The following SLC30A10 variants were observed in gnomAD, a reference collection of about 807,000 sequenced individuals.
SLC30A10 encodes solute carrier family 30 member 10, also known as calcium/manganese antiporter SLC30A10.
Under a neutral mutation model 21.7 loss-of-function variants are expected in SLC30A10, and 8 were observed. The ratio of observed to expected loss-of-function variants is 0.37; its 90% confidence interval spans 0.22 to 0.67. The LOEUF is 0.67. SLC30A10 is among the 30% of genes least tolerant of loss of function. The pLI is 0.58. For missense variants in SLC30A10, 521 were observed against 642.5 expected (o/e 0.81, Z 2.04); for synonymous variants, 272 against 279.4 (o/e 0.97, Z 0.26).
rs1312835053 is a variant in SLC30A10, at chr1:219,918,216, A to C, written c.958+39T>G. The C allele has an allele frequency of 6.2e-7, 1 of 1,603,150 alleles. No homozygotes were observed. The highest frequency in any genetic ancestry group is 1.1e-5 in the South Asian group (1 of 88,854). The stretch of plus-strand genomic sequence containing the variant: ...TTGTCCTTTGGCCTGAATAACATTA[A>C]ATTGAGAGTGGTTCTGGATCAAAAT... On this transcript the variant is annotated intron_variant, in intron 3 of 3. Coordinates refer to ENST00000366926, the MANE Select transcript of SLC30A10 (RefSeq NM_018713.3). The surrounding 1 kb of genome is among the most constrained non-coding windows in gnomAD (Gnocchi z 4.4).
Position 219,927,817 on chromosome 1 carries a change from C to T in SLC30A10, c.624G>A (p.Val208=), listed in dbSNP as rs760889956. The T allele has an allele frequency of 2.1e-5, 32 of 1,545,006 alleles. No individual in the cohort carries two copies. The highest frequency in any genetic ancestry group is 5.2e-6 in the Non-Finnish European group (6 of 1,146,162). The change falls in exon 1 of 4, where the codon GTG becomes GTA. Residue 208 remains valine (V), a synonymous_variant. Coordinates refer to ENST00000366926, the MANE Select transcript of SLC30A10 (RefSeq NM_018713.3). ...VERKREKGAT[V]FANVAGDSFN... ...GAAAGGCACCTGCTACGTTTGCGAA[C>T]ACGGTCGCCCCCTTCTCCCGCTTCC...
rs928099899 is a variant in SLC30A10, at chr1:219,911,086, C to T, written c.*4363G>A. The stretch of plus-strand genomic sequence containing the variant: ...ACTTCTATAGAGCAGGCATGCAGTC[C>T]GCGATCATTCATCCAAACTCAAAAT... On this transcript the variant is annotated 3_prime_UTR_variant, in exon 4 of 4. Coordinates refer to ENST00000366926, the MANE Select transcript of SLC30A10 (RefSeq NM_018713.3). Among the ~76,000 whole-genome samples, 3 of 144,262 alleles carry T rather than the reference C, an allele frequency of 2.1e-5. No homozygotes were observed. Among genetic ancestry groups the T allele is most frequent in the Non-Finnish European group, 3.0e-5 (2 of 66,444 alleles). 94.6% of individuals were successfully genotyped at this position (144,262 alleles called of 152,430 possible).
chr1:219,955,136 C>G (rs1227194328), intron 1 of SLC30A10, among the ~76,000 whole-genome samples: 1 of 152,210 alleles, frequency 6.6e-6, no homozygotes. Flanking sequence ...TGGCTCGTGA[C>G]AAGTATCTCC....
At chr1:219,930,197 C>T (rs138755132), upstream of SLC30A10, among the ~76,000 whole-genome samples, 6 of 151,420 alleles carry the variant, frequency 4.0e-5, no homozygotes, top group South Asian at 4.2e-4. Context: ...ACAGGTCAGG[C>T]GTGGTGGCTT....
intron 1 of SLC30A10, chr1:219,958,459 G>C (rs1660380738): frequency 6.6e-6 from 1 of 152,336 alleles, no homozygotes; most frequent in Non-Finnish European, 1.5e-5. Context: ...GGGACAAAAG[G>C]CTGACCCAAA....
chr1:219,943,518 C>T (rs1208123890), intron 1 of SLC30A10, among the ~76,000 whole-genome samples: 1 of 152,166 alleles, frequency 6.6e-6, no homozygotes, highest in Admixed American at 6.5e-5. Context: ...ATAAGATTGA[C>T]AGCCTCATAA....
At chr1:219,935,903 T>C (rs1436807229) in intron 1 of SLC30A10, among the ~76,000 whole-genome samples, 1 of 152,176 alleles carries the variant, frequency 6.6e-6, no homozygotes, top group Admixed American at 6.5e-5. Context: ...AAAACATTGA[T>C]TAATACTATG....
In SLC30A10 at chr1:219,922,219, T is replaced by G. The variant is rs966712084; in HGVS notation, c.719-3725A>C. ...TTTTTTTTTTTTTTTTTTTTTTTTTTTTTTTTTTTTTTGCAGAGACAGGGG... is the reference window on the plus strand; with the variant it reads ...TTTTTTTTTTTTTTTTTTTTTTTTTGTTTTTTTTTTTTGCAGAGACAGGGG... On this transcript the variant is annotated intron_variant, in intron 2 of 3. Transcript: ENST00000366926. Among the ~76,000 whole-genome samples the G allele has an allele frequency of 9.6e-4, 80 of 83,046 alleles. 4 individuals carry two copies. The highest frequency in any genetic ancestry group is 9.6e-3 in the East Asian group (27 of 2,814). The allele number at this position is 83,046 out of a possible 152,430, so 54.5% of individuals were successfully genotyped here. A position where few individuals can be genotyped will look rare whatever the true frequency, so the allele number is the denominator to read the frequency against.
chr1:219,915,859 G>A lies in SLC30A10; in HGVS notation c.1048C>T (p.His350Tyr), dbSNP rs1033368999. The A allele has an allele frequency of 6.2e-7, 1 of 1,614,080 alleles. No homozygotes were observed. Among genetic ancestry groups the A allele is most frequent in the Non-Finnish European group, 8.5e-7 (1 of 1,180,042 alleles). The change falls in exon 4 of 4, where the codon CAC becomes TAC. Residue 350 changes from histidine (H) to tyrosine (Y), a missense_variant. Coordinates refer to ENST00000366926, the MANE Select transcript of SLC30A10 (RefSeq NM_018713.3). ...LVSGKIIATL[H>Y]IKYPKDRGYQ... ...CCCCTGTCCTTAGGATACTTGATGTGCAGGGTGGCAATAATCTTTCCACTT... is the reference window on the plus strand; with the variant it reads ...CCCCTGTCCTTAGGATACTTGATGTACAGGGTGGCAATAATCTTTCCACTT...
At chr1:219,922,177 T>TGTGTGTG (rs1194378922) in intron 2 of SLC30A10, among the ~76,000 whole-genome samples, 506 of 29,344 alleles carry the variant, frequency 0.017, 4 homozygotes, top group Non-Finnish European at 0.025. Context: ...TGTGTGTGTG[T>TGTGTGTG]TTTTTTTTTT....
At chr1:219,957,874 T>A (rs1660373675) in intron 1 of SLC30A10, among the ~76,000 whole-genome samples, 2 of 152,224 alleles carry the variant, frequency 1.3e-5, no homozygotes, top group African/African-American at 4.8e-5. Context: ...TCCATTCTTT[T>A]GACAGATAAT....
At position 219,928,072 on chromosome 1, in the gene SLC30A10, C is replaced by A; in HGVS notation, c.369G>T (p.Gly123=). Residue 123 remains glycine (G), a synonymous_variant, in exon 1 of 4, where the codon GGG becomes GGT. Transcript: ENST00000366926. This position sits in a 1 kb window ranked among gnomAD's most constrained non-coding sequence, Gnocchi z 6.3. The stretch of plus-strand genomic sequence containing the variant: ...GCAGCCCCACCACGTTGACCAACAG[C>A]CCCAGGACGCCGACGATGAGCACCA... The part of the protein sequence containing the change: ...PELVLIVGVL[G]LLVNVVGLLI... 6.3e-7 allele frequency: 1 copy of A among 1,589,504 alleles called. No homozygotes were observed. The highest frequency in any genetic ancestry group is 8.6e-7 in the Non-Finnish European group (1 of 1,169,348).
intron 2 of SLC30A10, among the ~76,000 whole-genome samples, chr1:219,922,756 T>G (rs1659727365): frequency 6.6e-6 from 1 of 152,214 alleles, no homozygotes; most frequent in African/African-American, 2.4e-5. Context: ...GTGATGATAA[T>G]GATAACAGGC....
In SLC30A10 at chr1:219,918,194, T is replaced by C. The variant is rs1368838369; in HGVS notation, c.958+61A>G. 6.3e-7 allele frequency: 1 copy of C among 1,575,118 alleles called. No homozygotes were observed. The highest frequency in any genetic ancestry group is 8.6e-7 in the Non-Finnish European group (1 of 1,160,082). ...AAACACTGCTCTTAAATAATGCTTG[T>C]CCTTTGGCCTGAATAACATTAAATT... On this transcript the variant is annotated intron_variant, in intron 3 of 3. Transcript: ENST00000366926. This position sits in a 1 kb window ranked among gnomAD's most constrained non-coding sequence, Gnocchi z 4.4.
intron 1 of SLC30A10, among the ~76,000 whole-genome samples, chr1:219,946,724 C>T (rs1036342949): frequency 6.6e-6 from 1 of 152,072 alleles, no homozygotes; most frequent in Non-Finnish European, 1.5e-5. Context: ...CCTGCTCTTC[C>T]AGTTGTTGTG....
chr1:219,929,785 G>A (rs1038597644), upstream of SLC30A10, among the ~76,000 whole-genome samples: 1 of 152,170 alleles, frequency 6.6e-6, no homozygotes, highest in Non-Finnish European at 1.5e-5. Flanking sequence ...GCCTCCCAAA[G>A]TGCTGGGATT....
rs1399405672 is a variant in SLC30A10, at chr1:219,911,466, C to G, written c.*3983G>C. Among the ~76,000 whole-genome samples the G allele has an allele frequency of 6.6e-6, 1 of 151,994 alleles. No homozygotes were observed. The highest frequency in any genetic ancestry group is 1.5e-5 in the Non-Finnish European group (1 of 68,012). On this transcript the variant is annotated 3_prime_UTR_variant, in exon 4 of 4. Coordinates refer to ENST00000366926, the MANE Select transcript of SLC30A10 (RefSeq NM_018713.3). The stretch of plus-strand genomic sequence containing the variant: ...TCAATTGTGCTGATAACTATCCAGT[C>G]TCATTGGATAGTGGGCTCATCAAAT...
intron 3 of SLC30A10, among the ~76,000 whole-genome samples, chr1:219,916,435 CAAT>C (rs1651108876): frequency 1.3e-5 from 2 of 152,126 alleles, no homozygotes; most frequent in African/African-American, 4.8e-5. Flanking sequence ...ATAGTTAAAT[CAAT>C]GATGTAATGG....
chr1:219,934,060 G>A (rs1376473839), intron 1 of SLC30A10, among the ~76,000 whole-genome samples: 2 of 152,168 alleles, frequency 1.3e-5, no homozygotes, highest in African/African-American at 2.4e-5. Flanking sequence ...AGGCCGAGGC[G>A]GGTGGATCAT....
Sources: gnomAD v4.1 joint callset for allele counts (sites outside exome capture counted in the v4.1 genomes callset) on GRCh38, gnomAD v4.1.1 for gene constraint, Gnocchi (gnomAD v3.1) non-coding constraint, MANE v1.5 for transcripts, NCBI Gene and HGNC (gene_info 2026-07-23, HGNC 2026-07-21) for gene names.